WDPCP: variants seen among roughly 807,000 people sequenced by gnomAD.
The protein encoded by WDPCP is WD repeat containing planar cell polarity effector.
Under a neutral mutation model 93.1 loss-of-function variants are expected in WDPCP, and 71 were observed. The ratio of observed to expected loss-of-function variants is 0.76; its 90% CI spans 0.63 to 0.93. WDPCP has a LOEUF of 0.93. WDPCP is among the 40% of genes least tolerant of loss of function. WDPCP has a pLI of 0.00. For missense variants in WDPCP, 844 were observed against 887.4 expected, an observed-to-expected ratio of 0.95 and a Z score of 0.62; for synonymous variants, 315 against 315.0, an observed-to-expected ratio of 1.00 and a Z score of 0.00.
intron 13 of WDPCP, among the ~76,000 whole-genome samples, chr2:63,312,008 G>A (rs1196360707): frequency 6.6e-6 from 1 of 151,962 alleles, no homozygotes; most frequent in Non-Finnish European, 1.5e-5. Flanking sequence ...AAGTCAATGG[G>A]GCTGGAAAAT....
At chr2:63,722,989 A>C (rs1286173372) in intron 2 of WDPCP, among the ~76,000 whole-genome samples, 1 of 152,164 alleles carries the variant, frequency 6.6e-6, no homozygotes, top group East Asian at 1.9e-4. Flanking sequence ...CCTTACCCCC[A>C]ACCCTGTGCT....
chr2:63,576,869 T>C (rs998918285), intron 1 of WDPCP, among the ~76,000 whole-genome samples: 1 of 152,208 alleles, frequency 6.6e-6, no homozygotes, highest in African/African-American at 2.4e-5. Flanking sequence ...AATTATATCA[T>C]AAATGATATA....
At chr2:63,761,476 T>G (rs943163325) in intron 2 of WDPCP, among the ~76,000 whole-genome samples, 1 of 152,148 alleles carries the variant, frequency 6.6e-6, no homozygotes, top group African/African-American at 2.4e-5. Flanking sequence ...CCTAATACTA[T>G]TATATATAAT....
chr2:63,526,437 G>A (rs935559156), intron 1 of WDPCP, among the ~76,000 whole-genome samples: 1 of 152,138 alleles, frequency 6.6e-6, no homozygotes, highest in African/African-American at 2.4e-5. Flanking sequence ...AAAGGGAAAA[G>A]GCCTAAAATA....
At position 63,719,302 on chromosome 2, in the gene WDPCP, T is replaced by G. The variant is rs574731030; in HGVS notation, n.309-68464A>C. Among the ~76,000 whole-genome samples, 73 of 152,242 alleles carry G rather than the reference T, an allele frequency of 4.8e-4. 1 individual carries two copies. The highest frequency in any genetic ancestry group is 1.7e-3 in the African/African-American group (69 of 41,542). On this transcript the variant is annotated intron_variant and non_coding_transcript_variant, in intron 2 of 4. Coordinates refer to the WDPCP transcript ENST00000467687. ...CCATAGAGGATGGCAGCCAGAACCCTGGGTGGTGCAGGGAGGGAATGTGGG... is the reference window on the plus strand; with the variant it reads ...CCATAGAGGATGGCAGCCAGAACCCGGGGTGGTGCAGGGAGGGAATGTGGG...
intron 1 of WDPCP, among the ~76,000 whole-genome samples, chr2:63,821,509 C>T (rs1439690339): frequency 1.3e-5 from 2 of 152,098 alleles, no homozygotes; most frequent in Admixed American, 1.3e-4. Context: ...TTTTTCTCAT[C>T]TAAGGAGTTT....
intron 9 of WDPCP, among the ~76,000 whole-genome samples, chr2:63,409,500 C>T (rs532008958): frequency 5.5e-4 from 83 of 152,186 alleles, no homozygotes; most frequent in African/African-American, 1.9e-3. Context: ...TCTTTAGTAC[C>T]CCCAAAAGAT....
Position 63,605,644 on chromosome 2 carries a change from C to T in WDPCP, n.488+45015G>A, listed in dbSNP as rs143194392. 5.9e-5 allele frequency among the ~76,000 whole-genome samples: 9 copies of T among 152,264 alleles called. No homozygotes were observed. The East Asian group carries it at 1.7e-3, about 29-fold the overall frequency. On this transcript the variant is annotated intron_variant and non_coding_transcript_variant, in intron 3 of 4. Transcript: ENST00000467687. ...GAGATTGCACATGGAAAACACCTGG[C>T]ACAATGCCTGATACATAGTAGGGGT... is the stretch of plus-strand genomic sequence containing the variant.
chr2:63,435,061 T>C (rs1242463649), intron 8 of WDPCP, among the ~76,000 whole-genome samples: 1 of 152,170 alleles, frequency 6.6e-6, no homozygotes, highest in Non-Finnish European at 1.5e-5. Flanking sequence ...CATAATATTA[T>C]TGACCTCTTC....
Position 63,174,652 on chromosome 2 carries a change from C to T in WDPCP, c.2078+18G>A, listed in dbSNP as rs748159985. 14 of 1,613,450 alleles carry T rather than the reference C, an allele frequency of 8.7e-6. No individual in the cohort carries two copies. The South Asian group carries it at 1.1e-4, about 13-fold the overall frequency. ...TAAATACTTTATGGAGCAATTTCCT[C>T]AGTTCAACATTTCTTACCTGTTAGA... is the stretch of plus-strand genomic sequence containing the variant. On this transcript the variant is annotated intron_variant, in intron 15 of 17. Transcript: ENST00000272321.
In WDPCP at chr2:63,121,927, C is replaced by T; in HGVS notation, c.*79G>A. ...TTCATACTGTCTCTTGTTAAAAATC[C>T]ACACGGGGGATTTTAAGTCTGTATC... is the stretch of plus-strand genomic sequence containing the variant. On this transcript the variant is annotated 3_prime_UTR_variant, in exon 18 of 18. Transcript: ENST00000272321. The T allele has an allele frequency of 6.3e-7, 1 of 1,592,592 alleles. No individual in the cohort carries two copies. The highest frequency in any genetic ancestry group is 8.5e-7 in the Non-Finnish European group (1 of 1,173,290).
intron 14 of WDPCP, among the ~76,000 whole-genome samples, chr2:63,257,444 T>C (rs781512011): frequency 6.6e-6 from 1 of 152,164 alleles, no homozygotes. Context: ...TTCGGAATTA[T>C]GAGTGAGAAT....
intron 14 of WDPCP, among the ~76,000 whole-genome samples, chr2:63,187,159 T>C (rs754312683): frequency 6.6e-6 from 1 of 152,232 alleles, no homozygotes; most frequent in African/African-American, 2.4e-5. Context: ...AAGTCTATTC[T>C]GCCTCATATT....
intron 6 of WDPCP, among the ~76,000 whole-genome samples, chr2:63,470,593 G>A (rs1014525742): frequency 6.6e-6 from 1 of 152,022 alleles, no homozygotes; most frequent in Non-Finnish European, 1.5e-5. Flanking sequence ...CCTGGACTAC[G>A]GCAACAGCCT....
chr2:63,387,828 C>T (rs758951676), intron 10 of WDPCP, among the ~76,000 whole-genome samples: 2 of 152,036 alleles, frequency 1.3e-5, no homozygotes, highest in East Asian at 3.9e-4. Context: ...CATACACCAA[C>T]GACATCCAAG....
At chr2:63,527,269 G>A (rs140029182) in intron 1 of WDPCP, among the ~76,000 whole-genome samples, 13,672 of 149,372 alleles carry the variant, frequency 0.092, 887 homozygotes, top group Non-Finnish European at 0.14. Context: ...TGTGCACAAC[G>A]TGCAGGTTTG....
intron 2 of WDPCP, among the ~76,000 whole-genome samples, chr2:63,705,858 C>A (rs1669143366): frequency 6.6e-6 from 1 of 151,784 alleles, no homozygotes; most frequent in South Asian, 2.1e-4. Flanking sequence ...TCCTTGTTAA[C>A]TTTCTGTCTT....
At chr2:63,138,629 T>C (rs1211700498) in intron 17 of WDPCP, among the ~76,000 whole-genome samples, 3 of 151,966 alleles carry the variant, frequency 2.0e-5, no homozygotes, top group Admixed American at 2.0e-4. Context: ...ATTTTTTGTA[T>C]TTTTAGTAGA....
chr2:63,618,336 C>A (rs867675741), intron 3 of WDPCP, among the ~76,000 whole-genome samples: 1 of 152,204 alleles, frequency 6.6e-6, no homozygotes, highest in East Asian at 1.9e-4. Flanking sequence ...AATAGCTTAA[C>A]GGGAAGTACA....
Sources: allele counts gnomAD v4.1 joint callset (sites outside exome capture counted in the v4.1 genomes callset), GRCh38; gene constraint gnomAD v4.1.1; transcripts MANE v1.5; gene names NCBI Gene and HGNC (gene_info 2026-07-23, HGNC 2026-07-21).